Variants in TTC39C observed in about 807,000 individuals in gnomAD.
The protein encoded by TTC39C is tetratricopeptide repeat domain 39C.
TTC39C carries 33 observed loss-of-function variants against 76.3 expected under a neutral mutation model. That is an observed-to-expected ratio of 0.43 (90% CI 0.33 to 0.58). The LOEUF (loss-of-function observed/expected upper bound fraction) is 0.58, where lower values mean the gene tolerates loss of function less well. TTC39C is among the 20% of genes least tolerant of loss of function. TTC39C has a pLI of 0.04. For missense variants in TTC39C, 595 were observed against 701.4 expected (o/e 0.85, Z 1.71); for synonymous variants, 254 against 260.6 (o/e 0.97, Z 0.24).
chr18:23,999,336 A>C (rs2083293781), intron 1 of TTC39C, among the ~76,000 whole-genome samples: 1 of 152,184 alleles, frequency 6.6e-6, no homozygotes, highest in Non-Finnish European at 1.5e-5. Flanking sequence ...CAAACTGGCC[A>C]GGGTGCCACA....
intron 1 of TTC39C, among the ~76,000 whole-genome samples, chr18:24,017,168 A>C (rs1031499491): frequency 6.6e-6 from 1 of 152,206 alleles, no homozygotes; most frequent in Non-Finnish European, 1.5e-5. Context: ...TCATCCTATC[A>C]GCTTTCCTTG....
chr18:24,115,263 C>T (rs1466102329), intron 7 of TTC39C, among the ~76,000 whole-genome samples: 1 of 152,204 alleles, frequency 6.6e-6, no homozygotes, highest in East Asian at 1.9e-4. Context: ...CGAGATTTTC[C>T]CCATTCTCCT....
At chr18:24,013,583 T>C (rs1209057893), upstream of TTC39C, among the ~76,000 whole-genome samples, 2 of 152,234 alleles carry the variant, frequency 1.3e-5, no homozygotes, top group Non-Finnish European at 2.9e-5. Context: ...AATTCTGTTA[T>C]AAATGTTTCA....
At chr18:24,103,119 G>A (rs915183934) in intron 6 of TTC39C, among the ~76,000 whole-genome samples, 6 of 152,062 alleles carry the variant, frequency 3.9e-5, no homozygotes, top group African/African-American at 9.7e-5. Context: ...AAGAAAAAAG[G>A]GCTCTTTATT....
chr18:24,087,114 C>T (rs2084450212), intron 6 of TTC39C, among the ~76,000 whole-genome samples: 1 of 152,082 alleles, frequency 6.6e-6, no homozygotes, highest in Non-Finnish European at 1.5e-5. Flanking sequence ...ATAGGAATCT[C>T]AATTTTCAAA....
intron 1 of TTC39C, 94 bp downstream of exon 1, chr18:24,015,132 C>A: frequency 1.7e-6 from 2 of 1,211,892 alleles, no homozygotes; most frequent in Non-Finnish European, 2.2e-6. Flanking sequence ...GCCCCCTCCC[C>A]CTCCTGTCGG....
intron 1 of TTC39C, among the ~76,000 whole-genome samples, chr18:24,041,441 G>A (rs1167078275): frequency 6.6e-6 from 1 of 152,166 alleles, no homozygotes; most frequent in Non-Finnish European, 1.5e-5. Flanking sequence ...CAATAGTCCA[G>A]CAGCGTGTTA....
intron 1 of TTC39C, among the ~76,000 whole-genome samples, chr18:24,043,201 A>G (rs2083819378): frequency 6.6e-6 from 1 of 152,220 alleles, no homozygotes; most frequent in African/African-American, 2.4e-5. Flanking sequence ...TGAAATAAAA[A>G]AACTACCCAG....
chr18:24,061,239 TA>T (rs61658056), intron 1 of TTC39C, among the ~76,000 whole-genome samples: 2 of 150,386 alleles, frequency 1.3e-5, no homozygotes, highest in Non-Finnish European at 1.5e-5. Context: ...TTTTTTTTTT[TA>T]AAAAAATAGG....
chr18:24,117,848 C>T (rs78923768), intron 7 of TTC39C, among the ~76,000 whole-genome samples: 1 of 152,170 alleles, frequency 6.6e-6, no homozygotes, highest in African/African-American at 2.4e-5. Flanking sequence ...ACTGTTAGGA[C>T]GTAAATTGGA....
intron 10 of TTC39C, 39 bp downstream of exon 10, chr18:24,125,589 A>C (rs758080156): frequency 6.2e-7 from 1 of 1,611,610 alleles, no homozygotes; most frequent in South Asian, 1.1e-5. Context: ...TCTACTGGAC[A>C]CACTGGCTTC....
rs1568409082 is a variant in TTC39C at position 24,023,997 on chromosome 18, TATATATATA to T, written c.167+8960_167+8968del. ...ATATATATACATATATATATATATA[TATATATATA>T]TATATATATATTTTTTTTTTTTTTT... On this transcript the variant is annotated intron_variant, in intron 1 of 13. Transcript: ENST00000317571. 8.1e-4 allele frequency among the ~76,000 whole-genome samples: 6 copies of T among 7,444 alleles called. 1 individual carries two copies. The highest frequency in any genetic ancestry group is 1.2e-3 in the Non-Finnish European group (4 of 3,454). The allele number at this position is 7,444 out of a possible 152,430, so 4.9% of individuals were successfully genotyped here. A position where few individuals can be genotyped will look rare whatever the true frequency, so the allele number is the denominator to read the frequency against.
At chr18:24,081,618 G>T (rs1475678521) in intron 5 of TTC39C, among the ~76,000 whole-genome samples, 1 of 152,098 alleles carries the variant, frequency 6.6e-6, no homozygotes, top group Non-Finnish European at 1.5e-5. Flanking sequence ...TAACATTACA[G>T]CACTTGTCAA....
At position 24,023,978 on chromosome 18, in the gene TTC39C, A is replaced by C. The variant is rs1197516157; in HGVS notation, c.167+8940A>C. ...TATATATATATATATATATATATAT[A>C]TACATATATATATATATATATATAT... is the stretch of plus-strand genomic sequence containing the variant. On this transcript the variant is annotated intron_variant, in intron 1 of 13. Coordinates refer to ENST00000317571, the MANE Select transcript of TTC39C (RefSeq NM_001135993.2). Among the ~76,000 whole-genome samples, 79 of 13,748 alleles carry C rather than the reference A, an allele frequency of 5.7e-3. 1 individual carries two copies. The highest frequency in any genetic ancestry group is 0.019 in the East Asian group (6 of 314). 9.0% of individuals were successfully genotyped at this position (13,748 alleles called of 152,430 possible). A position where few individuals can be genotyped will look rare whatever the true frequency, so the allele number is the denominator to read the frequency against.
chr18:24,014,664 G>C, upstream of TTC39C: 1 of 678,730 alleles, frequency 1.5e-6, no homozygotes, highest in Non-Finnish European at 2.0e-6. Flanking sequence ...GCGGCCGGAC[G>C]CCCACCTCCC....
chr18:24,053,409 A>G (rs1003865505), intron 1 of TTC39C, among the ~76,000 whole-genome samples: 1 of 152,178 alleles, frequency 6.6e-6, no homozygotes, highest in African/African-American at 2.4e-5. Flanking sequence ...ATGAGTAGAG[A>G]CAAGTCTTTC....
At position 24,122,500 on chromosome 18, in the gene TTC39C, C is replaced by CAAA. The variant is rs36002596; in HGVS notation, c.1187-1316_1187-1314dup. Among the ~76,000 whole-genome samples the CAAA allele has an allele frequency of 1.7e-3, 89 of 51,014 alleles. 2 individuals are homozygous for CAAA. The highest frequency in any genetic ancestry group is 2.2e-3 in the Non-Finnish European group (72 of 32,678). The allele number at this position is 51,014 out of a possible 152,430, so 33.5% of individuals were successfully genotyped here. On this transcript the variant is annotated intron_variant, in intron 8 of 13. Coordinates refer to ENST00000317571, the MANE Select transcript of TTC39C (RefSeq NM_001135993.2). The stretch of plus-strand genomic sequence containing the variant: ...CTGGTGACAGAGCAAGACTCCATCT[C>CAAA]AAAAAAAAAAAAAAAAAAAAGAAGA...
intron 1 of TTC39C, among the ~76,000 whole-genome samples, chr18:24,044,052 TTGTGTGTGTGTGTGTGTG>T (rs56233680): frequency 1.4e-5 from 2 of 147,960 alleles, no homozygotes; most frequent in East Asian, 2.0e-4. Context: ...TTGTGTATGT[TTGTGTGTGTGTGTGTGTG>T]TGTGTGTGTG....
At chr18:24,070,445 T>C (rs2084223993) in intron 4 of TTC39C, among the ~76,000 whole-genome samples, 1 of 152,166 alleles carries the variant, frequency 6.6e-6, no homozygotes, top group African/African-American at 2.4e-5. Context: ...TATAAAAGAG[T>C]ACCAGAGCTT....
Sources: allele counts gnomAD v4.1 joint callset (sites outside exome capture counted in the v4.1 genomes callset), GRCh38; gene constraint gnomAD v4.1.1; transcripts MANE v1.5; gene names NCBI Gene and HGNC (gene_info 2026-07-23, HGNC 2026-07-21).